The following ATP7B variants were observed in gnomAD, a reference collection of about 807,000 sequenced individuals.
The protein encoded by ATP7B is ATPase copper transporting beta.
Under a neutral mutation model 118.9 loss-of-function variants are expected in ATP7B, and 113 were observed. That is an observed-to-expected ratio of 0.95 (90% CI 0.82 to 1.11). The LOEUF is 1.11. Ranked by LOEUF, ATP7B falls within the 50% of genes most tolerant of loss-of-function variation. The pLI, the probability that ATP7B is intolerant of heterozygous loss-of-function variation, is 0.00. For missense variants in ATP7B, 1,867 were observed against 1,871.4 expected (o/e 1.00, Z 0.04); for synonymous variants, 777 against 727.4 (o/e 1.07, Z -1.10).
At chr13:52,001,068 ATCT>A (rs1022443384) in intron 1 of ATP7B, among the ~76,000 whole-genome samples, 2 of 152,176 alleles carry the variant, frequency 1.3e-5, no homozygotes, top group African/African-American at 4.8e-5. Context: ...AAAAAGAATC[ATCT>A]TCTTTCAAAC....
intron 7 of ATP7B, chr13:51,959,015 A>G (rs186023201): frequency 1.4e-4 from 25 of 183,328 alleles, no homozygotes; most frequent in Non-Finnish European, 2.3e-4. Context: ...GAACATATAC[A>G]TACACATACA....
intron 5 of ATP7B, among the ~76,000 whole-genome samples, chr13:51,964,061 A>G (rs1369688466): frequency 6.6e-6 from 1 of 151,046 alleles, no homozygotes. Flanking sequence ...AAAAAGAAAG[A>G]AAAAAAAAGC....
chr13:51,993,492 G>A (rs556374283), intron 1 of ATP7B, among the ~76,000 whole-genome samples: 9 of 152,228 alleles, frequency 5.9e-5, no homozygotes, highest in Admixed American at 3.3e-4. Context: ...GAACCCGGAA[G>A]GTCGAGGGTG....
intron 8 of ATP7B, 36 bp from the exon 9 acceptor site, chr13:51,957,643 G>T (rs377290160): frequency 1.3e-6 from 2 of 1,596,642 alleles, no homozygotes; most frequent in African/African-American, 1.3e-5. Flanking sequence ...GAGAGCTATC[G>T]AAAGCAGACC....
At chr13:51,973,856 C>T in intron 2 of ATP7B, 79 bp downstream of exon 2, 1 of 1,593,396 alleles carries the variant, frequency 6.3e-7, no homozygotes, top group Admixed American at 1.7e-5. Context: ...CAGGGCTCAC[C>T]TATACCACCA....
rs765139243 is a variant in ATP7B at position 51,941,088 on chromosome 13, AGC to A, written c.3547_3548del (p.Ala1183TyrfsTer2). On this transcript the variant is annotated frameshift_variant, in exon 16 of 21. Transcript: ENST00000242839. LOFTEE classifies it high-confidence loss of function. Reference protein sequence around the residue: ...EMKGQTAILVAIDGVLCGMIA... With the variant: ...EMKGQTAILVXIDGVLCGMIA... ...GGCAGAAGCAGAAGATACCGTCAAT[AGC>A]CACCAGGATGGCTGTCTGTCCTTTC... 1.5e-5 allele frequency: 24 copies of A among 1,614,126 alleles called. No individual in the cohort carries two copies. The highest frequency in any genetic ancestry group is 1.9e-5 in the Non-Finnish European group (23 of 1,180,054).
intron 1 of ATP7B, among the ~76,000 whole-genome samples, chr13:51,986,524 C>T (rs1375614901): frequency 6.6e-6 from 1 of 152,098 alleles, no homozygotes; most frequent in African/African-American, 2.4e-5. Context: ...GAAACTATTC[C>T]AAACAATAGA....
intron 17 of ATP7B, among the ~76,000 whole-genome samples, chr13:51,937,972 T>C (rs1222402160): frequency 1.3e-5 from 2 of 152,134 alleles, no homozygotes; most frequent in African/African-American, 4.8e-5. Flanking sequence ...GCCCCCATGG[T>C]CTTTCCAAAG....
rs1488961879 is a variant in ATP7B at position 51,965,052 on chromosome 13, A to G, written c.1708-19T>C. 1 of 1,613,576 alleles carries G rather than the reference A, an allele frequency of 6.2e-7. No homozygotes were observed. Among genetic ancestry groups the G allele is most frequent in the African/African-American group, 1.3e-5 (1 of 74,898 alleles). ...CTGTGATCTGCAACACAGGATGGCA[A>G]GAATCCCACAGACCCAGGATCAAGG... On this transcript the variant is annotated intron_variant, in intron 4 of 20. Transcript: ENST00000242839.
chr13:51,973,788 T>G, intron 2 of ATP7B, 147 bp downstream of exon 2: 1 of 1,236,870 alleles, frequency 8.1e-7, no homozygotes, highest in Non-Finnish European at 1.2e-6. Flanking sequence ...TTAACAAATT[T>G]AACATGCAAG....
At chr13:51,979,996 C>T (rs1355685800) in intron 1 of ATP7B, among the ~76,000 whole-genome samples, 1 of 152,156 alleles carries the variant, frequency 6.6e-6, no homozygotes, top group Non-Finnish European at 1.5e-5. Flanking sequence ...GGAACAACCT[C>T]ATTAAACAAC....
chr13:51,953,108 G>C (rs1958110405), intron 9 of ATP7B, among the ~76,000 whole-genome samples: 1 of 152,214 alleles, frequency 6.6e-6, no homozygotes, highest in Non-Finnish European at 1.5e-5. Flanking sequence ...GTGTAAATCT[G>C]TTTGGTGGCT....
chr13:51,958,513 G>T lies in ATP7B; in HGVS notation c.2153C>A (p.Ala718Asp). ...TGACCTGTGTCTCAGAGATTTGTAG[G>T]CCTGAACGTAGAAGTACCACCCACC... ...LLGGWYFYVQ[A>D]YKSLRHRSAN... Residue 718 changes from alanine to aspartate, a missense_variant, in exon 8 of 21, where the codon GCC becomes GAC. Transcript: ENST00000242839. 1 of 1,614,236 alleles carries T rather than the reference G, an allele frequency of 6.2e-7. No homozygotes were observed. The highest frequency in any genetic ancestry group is 8.5e-7 in the Non-Finnish European group (1 of 1,180,052).
chr13:51,935,100 G>A, intron 20 of ATP7B, 71 bp from the exon 21 acceptor site: 8 of 1,570,008 alleles, frequency 5.1e-6, no homozygotes. Context: ...TAAGCCTGGT[G>A]AAGGCCTCTC....
chr13:51,968,935 A>G, intron 3 of ATP7B, among the ~76,000 whole-genome samples: 1 of 145,330 alleles, frequency 6.9e-6, no homozygotes, highest in Non-Finnish European at 1.5e-5. Flanking sequence ...ATCTCGGCTC[A>G]CTGCAACCTC....
chr13:51,933,748 C>T lies in ATP7B; in HGVS notation c.*1008G>A, dbSNP rs1566422962. 6.6e-6 allele frequency: 1 copy of T among 152,244 alleles called. No homozygotes were observed. Among genetic ancestry groups the T allele is most frequent in the African/African-American group, 2.4e-5 (1 of 41,458 alleles). The allele number at this position is 152,244 out of a possible 1,614,324, so 9.4% of individuals were successfully genotyped here. A position where few individuals can be genotyped will look rare whatever the true frequency, so the allele number is the denominator to read the frequency against. On this transcript the variant is annotated 3_prime_UTR_variant, in exon 21 of 21. Transcript: ENST00000242839. ...AGTCACATGAATTCTCTACTGAACC[C>T]CACGAGGTGACAGTCAGAAGACTGA... is the stretch of plus-strand genomic sequence containing the variant.
rs1279878457 is a variant in ATP7B at position 51,974,755 on chromosome 13, C to T, written c.465G>A (p.Gln155=). Reference sequence around the variant, plus strand: ...TGCCTTCAATGGAGCTGACACAGGACTGGCAGGTCATGCCCTCCACCCGGA... The same window carrying T: ...TGCCTTCAATGGAGCTGACACAGGATTGGCAGGTCATGCCCTCCACCCGGA... The part of the protein sequence containing the change: ...VKLRVEGMTC[Q]SCVSSIEGKV... The change falls in exon 2 of 21, where the codon CAG becomes CAA. Residue 155 remains glutamine (Q), a synonymous_variant. Coordinates refer to ENST00000242839, the MANE Select transcript of ATP7B (RefSeq NM_000053.4). 3 of 1,614,222 alleles carry T rather than the reference C, an allele frequency of 1.9e-6. No individual in the cohort carries two copies. The highest frequency in any genetic ancestry group is 1.7e-6 in the Non-Finnish European group (2 of 1,180,034).
Position 51,974,906 on chromosome 13 carries a change from G to A in ATP7B, c.314C>T (p.Ser105Leu), listed in dbSNP as rs753236073. The change falls in exon 2 of 21, where the codon TCG (serine) becomes TTG (leucine). Residue 105 changes from serine to leucine, a missense_variant. By Grantham distance (145) the Ser-to-Leu change is moderately radical. Coordinates refer to ENST00000242839, the MANE Select transcript of ATP7B (RefSeq NM_000053.4). ...QGSATVKYVP[S>L]VVCLQQVCHQ... ...GCAAACCTGTTGCAGGCACACAACCGATGGCACATATTTCACAGTGGCACT... is the reference window on the plus strand; with the variant it reads ...GCAAACCTGTTGCAGGCACACAACCAATGGCACATATTTCACAGTGGCACT... 28 of 1,614,088 alleles carry A rather than the reference G, an allele frequency of 1.7e-5. No homozygotes were observed. Among genetic ancestry groups the A allele is most frequent in the Middle Eastern group, 1.6e-4 (1 of 6,084 alleles).
In ATP7B at chr13:51,941,944, A is replaced by C. The variant is rs572343674; in HGVS notation, c.3412+442T>G. On this transcript the variant is annotated intron_variant, in intron 15 of 20. Transcript: ENST00000242839. ...TTGAGAATAAAAAAGGCCATTCTTC[A>C]AAAGCAGCTGTCCCTCCAAGCAGTG... Among the ~76,000 whole-genome samples the C allele has an allele frequency of 2.6e-5, 4 of 152,310 alleles. No individual in the cohort carries two copies. The East Asian group carries it at 7.7e-4, about 29-fold the overall frequency.
Sources: gnomAD v4.1 joint callset for allele counts (sites outside exome capture counted in the v4.1 genomes callset) on GRCh38, gnomAD v4.1.1 for gene constraint, MANE v1.5 for transcripts, NCBI Gene and HGNC (gene_info 2026-07-23, HGNC 2026-07-21) for gene names.